CDC123: variants seen among roughly 807,000 people sequenced by gnomAD.
CDC123 encodes the protein cell division cycle 123.
In CDC123, 37 loss-of-function variants were observed where a neutral mutation model predicts 54.4. That is an observed-to-expected ratio of 0.68 (90% CI 0.52 to 0.89). The LOEUF is 0.89. Among genes scored for constraint, CDC123 ranks in the 40% least tolerant of loss-of-function variants. The probability of loss-of-function intolerance (pLI) is 0.00; values close to 1 mark genes in which losing one functional copy is unlikely to be tolerated. For missense variants in CDC123, 361 were observed against 412.1 expected, an observed-to-expected ratio of 0.88 and a Z score of 1.07; for synonymous variants, 144 against 136.8, an observed-to-expected ratio of 1.05 and a Z score of -0.37.
chr10:12,203,337 A>G (rs144969542), intron 2 of CDC123, among the ~76,000 whole-genome samples: 143 of 152,342 alleles, frequency 9.4e-4, no homozygotes, highest in African/African-American at 3.3e-3. Context: ...TCTGGGTTCA[A>G]TAAATATTGG....
chr10:12,226,166 C>G (rs185580456), intron 6 of CDC123, among the ~76,000 whole-genome samples: 67 of 152,340 alleles, frequency 4.4e-4, no homozygotes, highest in Middle Eastern at 3.4e-3. Context: ...CTTCTTTCTA[C>G]ACAGACACAG....
Position 12,196,266 on chromosome 10 carries a change from T to C in CDC123, c.21T>C (p.Leu7=). The stretch of plus-strand genomic sequence containing the variant: ...GGAGGATGAAGAAGGAGCATGTGCT[T>C]CACTGCCAGTTCTCCGCGTGGTACC... MKKEHV[L]HCQFSAWYPF... is the part of the protein sequence containing the mutation. The change falls in exon 1 of 13, where the codon CTT becomes CTC. Residue 7 remains leucine (L), a synonymous_variant. Transcript: ENST00000281141. 6.2e-7 allele frequency: 1 copy of C among 1,613,926 alleles called. No homozygotes were observed. Among genetic ancestry groups the C allele is most frequent in the Non-Finnish European group, 8.5e-7 (1 of 1,179,886 alleles).
At chr10:12,237,457 G>A (rs1835993873) in intron 9 of CDC123, 191 bp downstream of exon 9, 1 of 393,400 alleles carries the variant, frequency 2.5e-6, no homozygotes, top group South Asian at 9.4e-5. Context: ...TTTATTTGGA[G>A]ACAGTCTTAC....
At chr10:12,217,827 C>T (rs909680360) in intron 6 of CDC123, among the ~76,000 whole-genome samples, 35 of 152,324 alleles carry the variant, frequency 2.3e-4, no homozygotes, top group African/African-American at 7.0e-4. Flanking sequence ...TGGCTCACGC[C>T]TGGGATTCCC....
chr10:12,246,301 C>G, intron 11 of CDC123, 24 bp downstream of exon 11: 1 of 1,612,650 alleles, frequency 6.2e-7, no homozygotes, highest in South Asian at 1.1e-5. Context: ...AAGACAGATA[C>G]AATGTAAACC....
intron 5 of CDC123, among the ~76,000 whole-genome samples, chr10:12,216,959 C>G (rs1398195384): frequency 2.0e-5 from 3 of 152,184 alleles, no homozygotes; most frequent in Non-Finnish European, 4.4e-5. Flanking sequence ...GGCTGCCACT[C>G]CCCAGAAACG....
intron 4 of CDC123, 127 bp downstream of exon 4, chr10:12,210,449 T>C: frequency 8.7e-7 from 1 of 1,145,918 alleles, no homozygotes; most frequent in Non-Finnish European, 1.2e-6. Context: ...ATTTTCCCTG[T>C]GGGCTGTCGT....
At chr10:12,206,309 A>C (rs1835518399) in intron 2 of CDC123, among the ~76,000 whole-genome samples, 1 of 152,256 alleles carries the variant, frequency 6.6e-6, no homozygotes, top group Admixed American at 6.5e-5. Flanking sequence ...ATATTGTAAG[A>C]TTAGGTAAGC....
intron 8 of CDC123, among the ~76,000 whole-genome samples, chr10:12,235,816 G>A (rs879720460): frequency 1.3e-5 from 2 of 152,166 alleles, no homozygotes; most frequent in African/African-American, 2.4e-5. Context: ...CATATTGCTC[G>A]ATATTCTTGA....
chr10:12,218,322 G>T (rs886774463), intron 6 of CDC123, among the ~76,000 whole-genome samples: 1 of 143,082 alleles, frequency 7.0e-6, no homozygotes, highest in African/African-American at 2.6e-5. Context: ...TCTCAGCTCA[G>T]TGCAACCTCT....
Position 12,234,384 on chromosome 10 carries a change from A to G in CDC123, c.490-664A>G, listed in dbSNP as rs531312617. ...AGGCACCCGCCACCATGCCTGGCTCATTTTTTTGTACTTTTAGTAGAGACG... is the reference window on the plus strand; with the variant it reads ...AGGCACCCGCCACCATGCCTGGCTCGTTTTTTTGTACTTTTAGTAGAGACG... On this transcript the variant is annotated intron_variant, in intron 7 of 12. Coordinates refer to ENST00000281141, the MANE Select transcript of CDC123 (RefSeq NM_006023.3). 1.1e-3 allele frequency among the ~76,000 whole-genome samples: 174 copies of G among 152,250 alleles called. 1 individual carries two copies. Among genetic ancestry groups the G allele is most frequent in the Non-Finnish European group, 7.2e-4 (49 of 68,028 alleles).
intron 8 of CDC123, among the ~76,000 whole-genome samples, chr10:12,236,633 A>C (rs1234574586): frequency 6.6e-6 from 1 of 150,966 alleles, no homozygotes; most frequent in Non-Finnish European, 1.5e-5. Flanking sequence ...GGTGGCTTAC[A>C]CCTGTAATCC....
intron 5 of CDC123, 143 bp from the exon 6 acceptor site, chr10:12,217,218 C>T (rs1588674073): frequency 3.0e-6 from 2 of 663,644 alleles, no homozygotes; most frequent in East Asian, 6.3e-5. Flanking sequence ...CATAATTTAA[C>T]ATTTGACAGT....
At chr10:12,206,762 T>A (rs184311049) in intron 2 of CDC123, among the ~76,000 whole-genome samples, 1 of 151,888 alleles carries the variant, frequency 6.6e-6, no homozygotes, top group Non-Finnish European at 1.5e-5. Context: ...ATCGAGACCA[T>A]CCTGGCCAAC....
At chr10:12,224,576 G>C (rs1404561375) in intron 6 of CDC123, among the ~76,000 whole-genome samples, 6 of 152,156 alleles carry the variant, frequency 3.9e-5, no homozygotes, top group African/African-American at 1.2e-4. Flanking sequence ...TAGCTTGCTA[G>C]AGGGACTATA....
intron 10 of CDC123, 90 bp downstream of exon 10, chr10:12,238,575 C>T (rs1454789419): frequency 6.8e-7 from 1 of 1,476,852 alleles, no homozygotes; most frequent in African/African-American, 1.4e-5. Flanking sequence ...GTGAAGGATC[C>T]ATGCTCAAAA....
intron 11 of CDC123, chr10:12,246,633 G>A (rs919584115): frequency 1.7e-5 from 3 of 171,642 alleles, no homozygotes; most frequent in African/African-American, 4.8e-5. Context: ...GCAGCCCAGC[G>A]GATTCCTGTC....
intron 2 of CDC123, among the ~76,000 whole-genome samples, chr10:12,202,938 C>G (rs1379040161): frequency 6.6e-6 from 1 of 152,226 alleles, no homozygotes; most frequent in Non-Finnish European, 1.5e-5. Context: ...TCACTTAAAC[C>G]TGGGAAGTGG....
chr10:12,215,293 G>GTATA, intron 4 of CDC123, among the ~76,000 whole-genome samples: 1 of 152,276 alleles, frequency 6.6e-6, no homozygotes, highest in African/African-American at 2.4e-5. Flanking sequence ...TGGCTTTGGG[G>GTATA]AATACCATAT....
Sources: gnomAD v4.1 joint callset for allele counts (sites outside exome capture counted in the v4.1 genomes callset) on GRCh38, gnomAD v4.1.1 for gene constraint, MANE v1.5 for transcripts, NCBI Gene and HGNC (gene_info 2026-07-23, HGNC 2026-07-21) for gene names.